Variants in HS6ST3 observed in about 807,000 individuals in gnomAD.
The protein encoded by HS6ST3 is heparan sulfate 6-O-sulfotransferase 3.
A neutral mutation model predicts 36.7 loss-of-function variants in HS6ST3; 12 were observed. That is an observed-to-expected ratio of 0.33 (90% confidence interval 0.21 to 0.53). The LOEUF (loss-of-function observed/expected upper bound fraction) is 0.53, where lower values mean the gene tolerates loss of function less well. Among genes scored for constraint, HS6ST3 ranks in the 20% least tolerant of loss-of-function variants. The probability of loss-of-function intolerance (pLI) is 0.95; values close to 1 mark genes in which losing one functional copy is unlikely to be tolerated. For missense variants in HS6ST3, 584 were observed against 640.9 expected, an observed-to-expected ratio of 0.91 and a Z score of 0.96; for synonymous variants, 240 against 257.5, an observed-to-expected ratio of 0.93 and a Z score of 0.65.
chr13:96,320,056 C>A (rs1456289185), intron 1 of HS6ST3, among the ~76,000 whole-genome samples: 3 of 152,014 alleles, frequency 2.0e-5, no homozygotes, highest in African/African-American at 7.2e-5. Context: ...TTTCTGCATG[C>A]TGGTGGAAAA....
At chr13:96,591,277 A>T (rs2056380974) in intron 1 of HS6ST3, among the ~76,000 whole-genome samples, 1 of 151,904 alleles carries the variant, frequency 6.6e-6, no homozygotes, top group African/African-American at 2.4e-5. Flanking sequence ...CTGTAGAATG[A>T]TTTGGGTAGC....
rs141128361 is a variant in HS6ST3 at position 96,535,906 on chromosome 13, C to G, written c.708-296584C>G. 1.5e-3 allele frequency among the ~76,000 whole-genome samples: 226 copies of G among 152,324 alleles called. 1 individual carries two copies. Among genetic ancestry groups the G allele is most frequent in the South Asian group, 5.4e-3 (26 of 4,830 alleles). On this transcript the variant is annotated intron_variant, in intron 1 of 1. Coordinates refer to ENST00000376705, the MANE Select transcript of HS6ST3 (RefSeq NM_153456.4). ...CAGGATGAGTTCACCTCCCTCCAAA[C>G]TGATTGACTTGCTGGAATAATTTAA...
chr13:96,568,185 A>G lies in HS6ST3; in HGVS notation c.708-264305A>G, dbSNP rs75324229. Among the ~76,000 whole-genome samples the G allele has an allele frequency of 3.5e-3, 531 of 152,352 alleles. 1 individual carries two copies. Among genetic ancestry groups the G allele is most frequent in the African/African-American group, 0.012 (510 of 41,566 alleles). On this transcript the variant is annotated intron_variant, in intron 1 of 1. Transcript: ENST00000376705. ...CATGGGTATTCATTACAGCATTGTTAGAAGTATGAAAGATAGTGACATGGT... is the reference window on the plus strand; with the variant it reads ...CATGGGTATTCATTACAGCATTGTTGGAAGTATGAAAGATAGTGACATGGT...
chr13:96,270,049 GT>G (rs1313536692), intron 1 of HS6ST3, among the ~76,000 whole-genome samples: 1 of 151,896 alleles, frequency 6.6e-6, no homozygotes, highest in East Asian at 1.9e-4. Flanking sequence ...GACGTACCTG[GT>G]TATCTGTCCA....
At chr13:96,469,992 T>A (rs888399929) in intron 1 of HS6ST3, among the ~76,000 whole-genome samples, 1 of 152,202 alleles carries the variant, frequency 6.6e-6, no homozygotes, top group Non-Finnish European at 1.5e-5. Context: ...TACATACATA[T>A]AGAAAATTCT....
At chr13:96,386,125 A>C (rs1220907984) in intron 1 of HS6ST3, among the ~76,000 whole-genome samples, 1 of 152,236 alleles carries the variant, frequency 6.6e-6, no homozygotes, top group African/African-American at 2.4e-5. Context: ...ATAAGAGAAA[A>C]CATCTTGTAA....
rs934700541 is a variant in HS6ST3, at chr13:96,137,887, A to G, written c.707+46318A>G. ...TCTGACCTCATTACTTAATATTGTC[A>G]TGTTTTTACATCATTGTGCCTATTT... On this transcript the variant is annotated intron_variant, in intron 1 of 1. Coordinates refer to ENST00000376705, the MANE Select transcript of HS6ST3 (RefSeq NM_153456.4). Among the ~76,000 whole-genome samples the G allele has an allele frequency of 3.3e-5, 5 of 152,278 alleles. No individual in the cohort carries two copies. In the East Asian group the frequency reaches 7.7e-4, roughly 24 times the overall value.
chr13:96,727,430 A>G (rs185176755), intron 1 of HS6ST3, among the ~76,000 whole-genome samples: 25 of 152,160 alleles, frequency 1.6e-4, no homozygotes, highest in Admixed American at 1.2e-3. Flanking sequence ...ACTCCACTAC[A>G]TTAGGTCAAC....
chr13:96,651,766 C>A (rs1235010897), intron 1 of HS6ST3, among the ~76,000 whole-genome samples: 3 of 151,990 alleles, frequency 2.0e-5, no homozygotes, highest in Non-Finnish European at 4.4e-5. Flanking sequence ...ATTTACATGC[C>A]TTTTCTCACT....
At position 96,838,056 on chromosome 13, in the gene HS6ST3, A is replaced by G. The variant is rs1395031474; in HGVS notation, c.*4858A>G. On this transcript the variant is annotated 3_prime_UTR_variant, in exon 2 of 2. Transcript: ENST00000376705. ...TTTATCTGATTCCTTATCAACCATG[A>G]TCTCTATCTGAGGTCCTGTATAGTG... is the stretch of plus-strand genomic sequence containing the variant. 1 of 152,054 alleles carries G rather than the reference A, an allele frequency of 6.6e-6. No homozygotes were observed. The highest frequency in any genetic ancestry group is 1.5e-5 in the Non-Finnish European group (1 of 68,010). 9.4% of individuals were successfully genotyped at this position (152,054 alleles called of 1,614,324 possible).
rs183754190 is a variant in HS6ST3, at chr13:96,791,566, A to G, written c.708-40924A>G. Among the ~76,000 whole-genome samples, 114 of 152,204 alleles carry G rather than the reference A, an allele frequency of 7.5e-4. 1 individual carries two copies. In the East Asian group the frequency reaches 8.3e-3, roughly 11 times the overall value. ...ACCATAAATATACCAGGCTATAAAA[A>G]GTAATGTGTGTTATTTGGAAAAATA... On this transcript the variant is annotated intron_variant, in intron 1 of 1. Transcript: ENST00000376705.
intron 1 of HS6ST3, among the ~76,000 whole-genome samples, chr13:96,384,816 C>T (rs555010280): frequency 6.6e-6 from 1 of 152,164 alleles, no homozygotes; most frequent in African/African-American, 2.4e-5. Context: ...AGTTAACAAT[C>T]TTGTTGTATA....
chr13:96,205,045 AG>A (rs1324057975), intron 1 of HS6ST3, among the ~76,000 whole-genome samples: 12 of 151,612 alleles, frequency 7.9e-5, no homozygotes, highest in African/African-American at 2.9e-4. Context: ...AAACAAATCC[AG>A]GAGTTTTTTT....
At chr13:96,731,661 G>T (rs1167250943) in intron 1 of HS6ST3, among the ~76,000 whole-genome samples, 1 of 146,598 alleles carries the variant, frequency 6.8e-6, no homozygotes, top group Non-Finnish European at 1.5e-5. Context: ...AGTTTGTTTT[G>T]TTTTTTTTTT....
intron 1 of HS6ST3, among the ~76,000 whole-genome samples, chr13:96,188,445 C>A (rs1166493625): frequency 6.6e-6 from 1 of 152,068 alleles, no homozygotes; most frequent in Non-Finnish European, 1.5e-5. Context: ...TGAGACCCCC[C>A]CATCGCTACA....
At chr13:96,151,874 A>C (rs1165005607) in intron 1 of HS6ST3, among the ~76,000 whole-genome samples, 1 of 152,128 alleles carries the variant, frequency 6.6e-6, no homozygotes, top group East Asian at 1.9e-4. Flanking sequence ...TCTTTCCTGC[A>C]TGTCTCTCTC....
At chr13:96,756,320 A>G (rs1187675719) in intron 1 of HS6ST3, among the ~76,000 whole-genome samples, 1 of 152,094 alleles carries the variant, frequency 6.6e-6, no homozygotes, top group African/African-American at 2.4e-5. Flanking sequence ...TTGCATTTTC[A>G]TCTTCTTAAG....
intron 1 of HS6ST3, among the ~76,000 whole-genome samples, chr13:96,625,166 C>T (rs145522079): frequency 6.6e-6 from 1 of 152,282 alleles, no homozygotes; most frequent in East Asian, 1.9e-4. Context: ...TCAGAAATCT[C>T]TAGAAAATGG....
intron 1 of HS6ST3, among the ~76,000 whole-genome samples, chr13:96,239,771 A>G (rs181332306): frequency 3.5e-4 from 54 of 152,338 alleles, no homozygotes; most frequent in African/African-American, 1.2e-3. Context: ...TCTTTGGAGC[A>G]TCTGGGGGAA....
Sources: allele counts gnomAD v4.1 joint callset (sites outside exome capture counted in the v4.1 genomes callset), GRCh38; gene constraint gnomAD v4.1.1; transcripts MANE v1.5; gene names NCBI Gene and HGNC (gene_info 2026-07-23, HGNC 2026-07-21).